SORL1: variants seen among roughly 807,000 people sequenced by gnomAD.
SORL1 encodes the protein sortilin-related receptor.
A neutral mutation model predicts 273.7 loss-of-function variants in SORL1; 127 were observed. The observed-to-expected ratio is 0.46, with a 90% CI of 0.40 to 0.54. The LOEUF (loss-of-function observed/expected upper bound fraction) is 0.54. SORL1 is among the 20% of genes least tolerant of loss of function. The pLI, the probability that SORL1 is intolerant of heterozygous loss-of-function variation, is 0.00. For synonymous variants in SORL1, 1,031 were observed against 1,067.4 expected (o/e 0.97, Z 0.66); for missense variants, 2,494 against 2,846.1 (o/e 0.88, Z 2.81).
In SORL1 at chr11:121,554,979, A is replaced by T; in HGVS notation, c.2440-208A>T. The T allele has an allele frequency of 2.5e-6, 1 of 400,026 alleles. No individual in the cohort carries two copies. Among genetic ancestry groups the T allele is most frequent in the Admixed American group, 4.0e-5 (1 of 24,810 alleles). The allele number at this position is 400,026 out of a possible 1,614,324, so 24.8% of individuals were successfully genotyped here. A position where few individuals can be genotyped will look rare whatever the true frequency, so the allele number is the denominator to read the frequency against. ...TAATATATATGATTAAATTCTCTTT[A>T]TTCTGCTTTAAAAAACAAAAATGTA... On this transcript the variant is annotated intron_variant, in intron 17 of 47. Transcript: ENST00000260197. The surrounding 1 kb of genome is among the most constrained non-coding windows in gnomAD (Gnocchi z 4.6).
At chr11:121,552,356 G>A (rs1478842991) in intron 16 of SORL1, among the ~76,000 whole-genome samples, 3 of 152,202 alleles carry the variant, frequency 2.0e-5, no homozygotes, top group East Asian at 1.9e-4. Context: ...TCCAGGTTAA[G>A]CATTGCGCGC....
intron 14 of SORL1, among the ~76,000 whole-genome samples, chr11:121,549,311 C>T (rs746720867): frequency 5.9e-5 from 9 of 152,176 alleles, no homozygotes; most frequent in Non-Finnish European, 1.2e-4. Context: ...CAGCCTTGAC[C>T]TCCTGGGCTC....
chr11:121,586,183 C>T (rs757725620), intron 26 of SORL1, 39 bp from the exon 27 acceptor site: 3 of 1,531,204 alleles, frequency 2.0e-6, no homozygotes, highest in Admixed American at 1.7e-5. Flanking sequence ...TGCCTGTTTC[C>T]TCCTCGTCAT....
intron 35 of SORL1, among the ~76,000 whole-genome samples, chr11:121,606,505 G>A (rs1863475116): frequency 6.6e-6 from 1 of 152,192 alleles, no homozygotes; most frequent in East Asian, 1.9e-4. Flanking sequence ...AGAAGCAGAG[G>A]CAGCAGGTGC....
chr11:121,589,115 G>C, intron 28 of SORL1, 144 bp from the exon 29 acceptor site: 1 of 786,854 alleles, frequency 1.3e-6, no homozygotes, highest in South Asian at 1.6e-5. Flanking sequence ...GATTAGGTTT[G>C]GCTTTTGCTT....
At chr11:121,471,340 T>C (rs1482553947) in intron 2 of SORL1, among the ~76,000 whole-genome samples, 1 of 152,194 alleles carries the variant, frequency 6.6e-6, no homozygotes, top group Non-Finnish European at 1.5e-5. Flanking sequence ...TGCTGAGTCT[T>C]ACAAGTTGGC....
intron 24 of SORL1, 37 bp downstream of exon 24, chr11:121,574,400 G>GA: frequency 6.2e-7 from 1 of 1,605,792 alleles, no homozygotes; most frequent in Non-Finnish European, 8.5e-7. Context: ...CTGCTCTGGA[G>GA]AGGGGGGTCA....
chr11:121,563,905 T>G lies in SORL1; in HGVS notation c.3050-3035T>G, dbSNP rs1715908228. ...AAGTATCTATAATGAGGGCACATAT[T>G]TATTATTTGAGGTAGATTTGATTTT... On this transcript the variant is annotated intron_variant, in intron 21 of 47. Transcript: ENST00000260197. The surrounding 1 kb of genome is among the most constrained non-coding windows in gnomAD (Gnocchi z 4.2). Among the ~76,000 whole-genome samples, 1 of 152,214 alleles carries G rather than the reference T, an allele frequency of 6.6e-6. No individual in the cohort carries two copies. The highest frequency in any genetic ancestry group is 2.1e-4 in the South Asian group (1 of 4,828).
chr11:121,469,078 C>T (rs370984861), intron 1 of SORL1, among the ~76,000 whole-genome samples: 23 of 152,214 alleles, frequency 1.5e-4, no homozygotes, highest in African/African-American at 2.7e-4. Flanking sequence ...TACTGGTTAG[C>T]GGAGGTCTTT....
At position 121,478,242 on chromosome 11, in the gene SORL1, G is replaced by A. The variant is rs750601899; in HGVS notation, c.527G>A (p.Arg176Gln). The A allele has an allele frequency of 2.1e-5, 34 of 1,613,696 alleles. No homozygotes were observed. The East Asian group carries it at 4.7e-4, about 22-fold the overall frequency. The part of the protein sequence containing the change: ...QFYHSPADNK[R>Q]YIFADAYAQY... ...TACCACAGCCCTGCGGACAACAAGCGGGTAAGGAAGTGGCCATCCCTCCTG... is the reference window on the plus strand; with the variant it reads ...TACCACAGCCCTGCGGACAACAAGCAGGTAAGGAAGTGGCCATCCCTCCTG... Residue 176 changes from arginine (R) to glutamine (Q), a missense_variant and splice_region_variant, in exon 3 of 48, where the codon CGG becomes CAG. Transcript: ENST00000260197.
chr11:121,473,348 G>GA (rs1362511579), intron 2 of SORL1, among the ~76,000 whole-genome samples: 1 of 152,142 alleles, frequency 6.6e-6, no homozygotes, highest in Non-Finnish European at 1.5e-5. Flanking sequence ...CTCAAACGGG[G>GA]AAAAAATGAA....
intron 1 of SORL1, among the ~76,000 whole-genome samples, chr11:121,462,528 G>A (rs147940874): frequency 5.9e-5 from 9 of 152,286 alleles, no homozygotes; most frequent in South Asian, 2.1e-4. Flanking sequence ...TGTTTAATGC[G>A]TGTTTTCCCT....
chr11:121,603,804 C>G (rs559296120), intron 32 of SORL1, among the ~76,000 whole-genome samples: 15 of 152,170 alleles, frequency 9.9e-5, no homozygotes, highest in Non-Finnish European at 1.8e-4. Context: ...TTTGTTGATG[C>G]CGGCCAGGAG....
At chr11:121,492,637 A>G (rs1157509815) in intron 5 of SORL1, among the ~76,000 whole-genome samples, 1 of 152,186 alleles carries the variant, frequency 6.6e-6, no homozygotes, top group Admixed American at 6.5e-5. Context: ...TAACTTTGGT[A>G]GAGAGTGCCA....
chr11:121,607,275 T>G lies in SORL1; in HGVS notation c.5151T>G (p.Thr1717=). ...AAATCAAGAACTTATTGGTCAACAC[T>G]CTATACACCGTCAGAGTGAGTGTCG... is the stretch of plus-strand genomic sequence containing the variant. ...FTEIKNLLVN[T]LYTVRVAAVT... The change falls in exon 37 of 48, where the codon ACT becomes ACG. Residue 1717 remains threonine (T), a synonymous_variant. Coordinates refer to ENST00000260197, the MANE Select transcript of SORL1 (RefSeq NM_003105.6). 1.9e-6 allele frequency: 3 copies of G among 1,592,722 alleles called. No homozygotes were observed. Among genetic ancestry groups the G allele is most frequent in the Non-Finnish European group, 2.6e-6 (3 of 1,160,692 alleles).
intron 47 of SORL1, among the ~76,000 whole-genome samples, chr11:121,628,251 C>A (rs1426062210): frequency 2.0e-5 from 3 of 152,180 alleles, no homozygotes; most frequent in Non-Finnish European, 4.4e-5. Flanking sequence ...TGGTCCCCAA[C>A]CTTTTTTGCA....
chr11:121,533,493 C>A (rs1862229652), intron 12 of SORL1, among the ~76,000 whole-genome samples: 1 of 152,122 alleles, frequency 6.6e-6, no homozygotes, highest in Admixed American at 6.5e-5. Flanking sequence ...AGAACCAGTC[C>A]TCTGATTACC....
At chr11:121,582,413 G>A (rs889407304) in intron 25 of SORL1, among the ~76,000 whole-genome samples, 5 of 152,222 alleles carry the variant, frequency 3.3e-5, no homozygotes, top group Admixed American at 2.6e-4. Flanking sequence ...GTCTATCTAG[G>A]TTCTATTATC....
chr11:121,481,037 C>T (rs1326367783), intron 3 of SORL1, among the ~76,000 whole-genome samples: 8 of 120,236 alleles, frequency 6.7e-5, no homozygotes, highest in African/African-American at 2.8e-4. Flanking sequence ...TCTCCTCCTC[C>T]CCAGCTCCTC....
Sources: allele counts gnomAD v4.1 joint callset (sites outside exome capture counted in the v4.1 genomes callset), GRCh38; gene constraint gnomAD v4.1.1; non-coding constraint Gnocchi (gnomAD v3.1); transcripts MANE v1.5; gene names NCBI Gene and HGNC (gene_info 2026-07-23, HGNC 2026-07-21).